MEIKIN: variants seen among roughly 807,000 people sequenced by gnomAD.
The protein encoded by MEIKIN is meiosis-specific kinetochore protein.
intron 12 of MEIKIN, among the ~76,000 whole-genome samples, chr5:131,813,729 T>C (rs1241200982): frequency 6.6e-6 from 1 of 151,632 alleles, no homozygotes; most frequent in East Asian, 1.9e-4. Flanking sequence ...GCCCAGCCGA[T>C]CTTTAACTGT....
chr5:131,837,430 C>T (rs1355020873), intron 11 of MEIKIN, among the ~76,000 whole-genome samples: 1 of 152,122 alleles, frequency 6.6e-6, no homozygotes, highest in Non-Finnish European at 1.5e-5. Flanking sequence ...AGCATTGAAT[C>T]TATAAATTGC....
chr5:131,928,525 T>TA (rs777491350), intron 5 of MEIKIN, among the ~76,000 whole-genome samples: 4 of 152,190 alleles, frequency 2.6e-5, no homozygotes, highest in African/African-American at 4.8e-5. Flanking sequence ...AAACTACACT[T>TA]ATACTTCTCC....
intron 11 of MEIKIN, among the ~76,000 whole-genome samples, chr5:131,845,472 T>G (rs1454032750): frequency 6.6e-6 from 1 of 151,654 alleles, no homozygotes; most frequent in Non-Finnish European, 1.5e-5. Flanking sequence ...AAGGAACTGA[T>G]GATAAATGTA....
chr5:131,922,929 T>C (rs374067702), intron 5 of MEIKIN, among the ~76,000 whole-genome samples: 1 of 152,198 alleles, frequency 6.6e-6, no homozygotes, highest in East Asian at 1.9e-4. Context: ...TCTTGCTCTG[T>C]CGCCCAGGCT....
At chr5:131,838,944 T>C (rs1385749871) in intron 11 of MEIKIN, among the ~76,000 whole-genome samples, 1 of 152,192 alleles carries the variant, frequency 6.6e-6, no homozygotes, top group African/African-American at 2.4e-5. Context: ...CTTGTGATGT[T>C]AGGTTGTTAA....
At chr5:131,893,379 AC>A (rs1200857994) in intron 8 of MEIKIN, among the ~76,000 whole-genome samples, 2 of 152,182 alleles carry the variant, frequency 1.3e-5, no homozygotes, top group Non-Finnish European at 2.9e-5. Flanking sequence ...TGGGCGTAGG[AC>A]CCTCTGAGCC....
chr5:131,836,527 G>A (rs1749810684), intron 11 of MEIKIN, among the ~76,000 whole-genome samples: 1 of 152,112 alleles, frequency 6.6e-6, no homozygotes, highest in African/African-American at 2.4e-5. Flanking sequence ...GTGTATGACT[G>A]TTCCTTTTTC....
At position 131,896,227 on chromosome 5, in the gene MEIKIN, T is replaced by G. The variant is rs1561748385; in HGVS notation, c.703+15588A>C. Among the ~76,000 whole-genome samples, 4 of 152,310 alleles carry G rather than the reference T, an allele frequency of 2.6e-5. No homozygotes were observed. The South Asian group carries it at 8.3e-4, about 32-fold the overall frequency. The stretch of plus-strand genomic sequence containing the variant: ...GAGTTTCTTAATCATGAGTTCTAAT[T>G]TGATTGCACTGTGGTCTGAGAGACA... On this transcript the variant is annotated intron_variant, in intron 8 of 12. Coordinates refer to ENST00000442687, the MANE Select transcript of MEIKIN (RefSeq NM_001303622.2).
chr5:131,870,365 G>A (rs570125420), intron 9 of MEIKIN, among the ~76,000 whole-genome samples: 1 of 152,030 alleles, frequency 6.6e-6, no homozygotes, highest in South Asian at 2.1e-4. Flanking sequence ...ATGATACTAT[G>A]TTCTGTTTAT....
intron 6 of MEIKIN, among the ~76,000 whole-genome samples, chr5:131,919,667 AAAG>A (rs1751473281): frequency 6.6e-6 from 1 of 151,838 alleles, no homozygotes; most frequent in African/African-American, 2.4e-5. Context: ...TTCATGTAAC[AAAG>A]AAGAGGATAT....
At chr5:131,866,114 T>C (rs2149621923) in intron 9 of MEIKIN, among the ~76,000 whole-genome samples, 1 of 152,300 alleles carries the variant, frequency 6.6e-6, no homozygotes, top group African/African-American at 2.4e-5. Context: ...CCAATGGCAG[T>C]AGCAGTGGTA....
intron 9 of MEIKIN, among the ~76,000 whole-genome samples, chr5:131,878,350 G>A (rs1438440181): frequency 1.3e-5 from 2 of 152,076 alleles, no homozygotes; most frequent in African/African-American, 2.4e-5. Flanking sequence ...GGCGGATCAC[G>A]AGGTCAGGAG....
At chr5:131,892,119 C>G (rs1050185026) in intron 8 of MEIKIN, among the ~76,000 whole-genome samples, 1 of 152,100 alleles carries the variant, frequency 6.6e-6, no homozygotes, top group South Asian at 2.1e-4. Context: ...TTGTGGGTAA[C>G]CCAACCTTTC....
chr5:131,830,453 T>C (rs1561725188), intron 11 of MEIKIN, among the ~76,000 whole-genome samples: 1 of 152,162 alleles, frequency 6.6e-6, no homozygotes, highest in Non-Finnish European at 1.5e-5. Context: ...TTAAAGACTA[T>C]TTGCATTACA....
chr5:131,887,179 G>A (rs1750812879), intron 8 of MEIKIN, among the ~76,000 whole-genome samples: 1 of 151,926 alleles, frequency 6.6e-6, no homozygotes, highest in South Asian at 2.1e-4. Context: ...TTTTATGGCT[G>A]CACAGTATTC....
intron 5 of MEIKIN, among the ~76,000 whole-genome samples, chr5:131,924,388 A>G (rs1751555614): frequency 6.6e-6 from 1 of 152,030 alleles, no homozygotes; most frequent in African/African-American, 2.4e-5. Context: ...ATTTTTAGAG[A>G]CACCTCCATA....
At chr5:131,825,204 T>C (rs1376635211) in intron 11 of MEIKIN, among the ~76,000 whole-genome samples, 6 of 151,926 alleles carry the variant, frequency 3.9e-5, no homozygotes, top group Admixed American at 6.6e-5. Context: ...TGTCTTAAAA[T>C]AATAATCATC....
At chr5:131,896,985 CT>C (rs1389695533) in intron 8 of MEIKIN, among the ~76,000 whole-genome samples, 1 of 152,184 alleles carries the variant, frequency 6.6e-6, no homozygotes, top group African/African-American at 2.4e-5. Flanking sequence ...CATCGGTGGT[CT>C]TTACAATCTG....
chr5:131,874,840 G>A lies in MEIKIN; in HGVS notation c.774+4138C>T, dbSNP rs531349863. Among the ~76,000 whole-genome samples, 99 of 152,194 alleles carry A rather than the reference G, an allele frequency of 6.5e-4. 1 individual carries two copies. Among genetic ancestry groups the A allele is most frequent in the Non-Finnish European group, 5.4e-4 (37 of 67,990 alleles). On this transcript the variant is annotated intron_variant, in intron 9 of 12. Transcript: ENST00000442687. ...CCCTGGGATGCAAGGCTGGTTCAACGTACGAAAATCAATAAATGTAATCCA... is the reference window on the plus strand; with the variant it reads ...CCCTGGGATGCAAGGCTGGTTCAACATACGAAAATCAATAAATGTAATCCA...
Sources: allele counts gnomAD v4.1 joint callset (sites outside exome capture counted in the v4.1 genomes callset), GRCh38; gene constraint gnomAD v4.1.1; transcripts MANE v1.5; gene names NCBI Gene and HGNC (gene_info 2026-07-23, HGNC 2026-07-21).